EFCAB6: variants seen among roughly 807,000 people sequenced by gnomAD.
EFCAB6 encodes EF-hand calcium binding domain 6.
Under a neutral mutation model 169.8 loss-of-function variants are expected in EFCAB6, and 156 were observed. That is an observed-to-expected ratio of 0.92 (90% CI 0.81 to 1.05). The LOEUF (loss-of-function observed/expected upper bound fraction) is 1.05. Ranked by LOEUF, EFCAB6 falls within the 50% of genes least tolerant of loss-of-function variation. EFCAB6 has a pLI of 0.00. For missense variants in EFCAB6, 1,800 were observed against 1,829.1 expected, an observed-to-expected ratio of 0.98 and a Z score of 0.29; for synonymous variants, 698 against 676.4, an observed-to-expected ratio of 1.03 and a Z score of -0.50.
intron 8 of EFCAB6, among the ~76,000 whole-genome samples, chr22:43,729,681 G>A (rs1603291033): frequency 6.6e-6 from 1 of 152,108 alleles, no homozygotes; most frequent in African/African-American, 2.4e-5. Flanking sequence ...CTATAAGAAC[G>A]TGAACTCAGT....
At chr22:43,654,742 G>A (rs2056652144) in intron 17 of EFCAB6, among the ~76,000 whole-genome samples, 1 of 152,190 alleles carries the variant, frequency 6.6e-6, no homozygotes, top group Non-Finnish European at 1.5e-5. Flanking sequence ...AAAAGGACAT[G>A]AAGTGAAGAG....
At chr22:43,568,742 G>C (rs1246689116) in intron 26 of EFCAB6, among the ~76,000 whole-genome samples, 1 of 152,184 alleles carries the variant, frequency 6.6e-6, no homozygotes, top group African/African-American at 2.4e-5. Context: ...TGGGGCACAA[G>C]GGAGAATGAG....
chr22:43,751,399 T>C (rs568340791), intron 6 of EFCAB6, among the ~76,000 whole-genome samples: 1 of 152,278 alleles, frequency 6.6e-6, no homozygotes, highest in South Asian at 2.1e-4. Context: ...AAATGATAGA[T>C]GGAATAAAAA....
At chr22:43,638,762 C>T (rs1303873001) in intron 17 of EFCAB6, among the ~76,000 whole-genome samples, 2 of 152,004 alleles carry the variant, frequency 1.3e-5, no homozygotes, top group Non-Finnish European at 2.9e-5. Flanking sequence ...AACCTTGCAA[C>T]CTTATAGAGG....
intron 10 of EFCAB6, among the ~76,000 whole-genome samples, chr22:43,701,491 T>C (rs918410998): frequency 3.3e-5 from 5 of 152,132 alleles, no homozygotes; most frequent in Non-Finnish European, 7.3e-5. Context: ...CAGGGCATTG[T>C]ATAGAAATGC....
chr22:43,660,476 T>C (rs955919972), intron 17 of EFCAB6, among the ~76,000 whole-genome samples: 1 of 152,044 alleles, frequency 6.6e-6, no homozygotes, highest in Middle Eastern at 3.2e-3. Context: ...GTTTTTTCCA[T>C]ACTAGTAATG....
intron 23 of EFCAB6, among the ~76,000 whole-genome samples, chr22:43,595,833 A>C (rs1444032691): frequency 1.3e-5 from 2 of 152,188 alleles, no homozygotes; most frequent in African/African-American, 4.8e-5. Context: ...ATGAACATAC[A>C]TGTAGAAATC....
At position 43,628,004 on chromosome 22, in the gene EFCAB6, C is replaced by T. The variant is rs1569275802; in HGVS notation, c.2233-1325G>A. Reference sequence around the variant, plus strand: ...GTGGCAGGGAGGCTGATGTCTAACTCTGCCCGAGGGGGCCTCCTGGGGTGC... The same window carrying T: ...GTGGCAGGGAGGCTGATGTCTAACTTTGCCCGAGGGGGCCTCCTGGGGTGC... On this transcript the variant is annotated intron_variant, in intron 19 of 31. Transcript: ENST00000262726. This position sits in a 1 kb window ranked among gnomAD's most constrained non-coding sequence, Gnocchi z 4.8. Among the ~76,000 whole-genome samples, 1 of 152,190 alleles carries T rather than the reference C, an allele frequency of 6.6e-6. No individual in the cohort carries two copies. Among genetic ancestry groups the T allele is most frequent in the East Asian group, 1.9e-4 (1 of 5,196 alleles).
chr22:43,783,284 G>T (rs1040026552), intron 2 of EFCAB6, among the ~76,000 whole-genome samples: 1 of 152,194 alleles, frequency 6.6e-6, no homozygotes, highest in Admixed American at 6.5e-5. Context: ...CAAGGGAAAA[G>T]CTGGGGAATG....
chr22:43,699,541 C>A (rs1392878148), intron 10 of EFCAB6, among the ~76,000 whole-genome samples: 1 of 152,092 alleles, frequency 6.6e-6, no homozygotes, highest in Non-Finnish European at 1.5e-5. Flanking sequence ...TTTTAGTGTG[C>A]CATCTGTTTT....
At chr22:43,542,610 G>T (rs2047800851) in intron 27 of EFCAB6, among the ~76,000 whole-genome samples, 1 of 152,102 alleles carries the variant, frequency 6.6e-6, no homozygotes, top group Admixed American at 6.5e-5. Flanking sequence ...TGCGGAGGAG[G>T]CCATGAGGGA....
intron 2 of EFCAB6, among the ~76,000 whole-genome samples, chr22:43,800,357 A>T (rs5763996): frequency 0.88 from 133,509 of 152,112 alleles, 58,637 homozygotes; most frequent in East Asian, 0.99. Context: ...ATATACCCAA[A>T]GAAAACAAGC....
chr22:43,736,125 A>G, intron 6 of EFCAB6, 132 bp from the exon 7 acceptor site: 1 of 826,604 alleles, frequency 1.2e-6, no homozygotes, highest in Non-Finnish European at 1.7e-6. Flanking sequence ...AGTGGTAGGC[A>G]TGGCAAAAAT....
At chr22:43,730,333 A>G (rs778311134) in intron 8 of EFCAB6, among the ~76,000 whole-genome samples, 3 of 144,988 alleles carry the variant, frequency 2.1e-5, no homozygotes, top group Non-Finnish European at 4.6e-5. Context: ...AATCAGCCAG[A>G]GAAAACAAAT....
At position 43,615,839 on chromosome 22, in the gene EFCAB6, G is replaced by C; in HGVS notation, c.2549C>G (p.Ser850Ter). The C allele has an allele frequency of 1.2e-6, 2 of 1,613,154 alleles. No individual in the cohort carries two copies. Among genetic ancestry groups the C allele is most frequent in the Non-Finnish European group, 1.7e-6 (2 of 1,179,658 alleles). ...YLVTKAKNRWSDLSKNFLETD... is the reference protein window; with the variant it reads ...YLVTKAKNRW ...TCATTTTCTTACCTTAGACAAGTCT[G>C]ACCATCTGTTTTTTGCTTTGGTAAC... Residue 850 changes from serine (S) to a stop codon, truncating the protein, a stop_gained, in exon 21 of 32, where the codon TCA becomes TGA. Transcript: ENST00000262726. LOFTEE classifies it high-confidence loss of function.
intron 21 of EFCAB6, among the ~76,000 whole-genome samples, chr22:43,615,088 G>C (rs927138263): frequency 5.3e-5 from 8 of 152,234 alleles, no homozygotes; most frequent in Admixed American, 4.6e-4. Flanking sequence ...AGCACACACA[G>C]AAAGAAAATG....
intron 20 of EFCAB6, among the ~76,000 whole-genome samples, chr22:43,618,172 A>AGG (rs1352162748): frequency 1.6e-4 from 16 of 101,336 alleles, no homozygotes; most frequent in African/African-American, 5.1e-4. Context: ...GAAGGAAAGA[A>AGG]AGAAAGAAAG....
chr22:43,784,620 TACAC>T (rs1166081120), intron 2 of EFCAB6, among the ~76,000 whole-genome samples: 1 of 76,266 alleles, frequency 1.3e-5, no homozygotes, highest in Non-Finnish European at 2.9e-5. Context: ...TGTGTATATA[TACAC>T]ATATATATGT....
At chr22:43,589,348 A>G (rs1602454224) in intron 24 of EFCAB6, among the ~76,000 whole-genome samples, 1 of 134,902 alleles carries the variant, frequency 7.4e-6, no homozygotes, top group East Asian at 2.8e-4. Context: ...CACTATCAAA[A>G]AACATCAGTC....
Sources: gnomAD v4.1 joint callset for allele counts (sites outside exome capture counted in the v4.1 genomes callset) on GRCh38, gnomAD v4.1.1 for gene constraint, Gnocchi (gnomAD v3.1) non-coding constraint, MANE v1.5 for transcripts, NCBI Gene and HGNC (gene_info 2026-07-23, HGNC 2026-07-21) for gene names.